The following CTNNA2 variants were observed in gnomAD, a reference collection of about 807,000 sequenced individuals.
CTNNA2 encodes the protein catenin alpha-2.
CTNNA2 carries 42 observed loss-of-function variants against 101.0 expected under a neutral mutation model. That is an observed-to-expected ratio of 0.42 (90% CI 0.32 to 0.54). CTNNA2 has a LOEUF of 0.54. CTNNA2 is among the 20% of genes least tolerant of loss of function. The probability of loss-of-function intolerance (pLI) is 0.14; values close to 1 mark genes in which losing one functional copy is unlikely to be tolerated. For missense variants in CTNNA2, 871 were observed against 1,223.1 expected, an observed-to-expected ratio of 0.71 and a Z score of 4.29; for synonymous variants, 450 against 456.4, an observed-to-expected ratio of 0.99 and a Z score of 0.18.
intron 7 of CTNNA2, among the ~76,000 whole-genome samples, chr2:80,131,236 T>TCG (rs2148894696): frequency 6.6e-6 from 1 of 152,226 alleles, no homozygotes; most frequent in South Asian, 2.1e-4. Flanking sequence ...TTTTTGTATA[T>TCG]TTAGTAGACA....
intron 1 of CTNNA2, among the ~76,000 whole-genome samples, chr2:79,537,296 C>G (rs1673133333): frequency 6.6e-6 from 1 of 152,124 alleles, no homozygotes; most frequent in South Asian, 2.1e-4. Context: ...AAATGTTTCC[C>G]CCTAGATTTC....
rs72918621 is a variant in CTNNA2 at position 79,873,914 on chromosome 2, A to G, written c.586-162A>G. On this transcript the variant is annotated intron_variant, in intron 5 of 18. Transcript: ENST00000402739. The stretch of plus-strand genomic sequence containing the variant: ...AGACCTAGCTGTCTCTATAAAACAG[A>G]CAAACAAACAAAAGAGTATATGCAA... Among the ~76,000 whole-genome samples, 9,360 of 152,170 alleles carry G rather than the reference A, an allele frequency of 0.062. 666 individuals carry two copies. The highest frequency in any genetic ancestry group is 0.27 in the East Asian group (1,382 of 5,156).
chr2:79,595,718 C>A (rs1452653001), intron 1 of CTNNA2, among the ~76,000 whole-genome samples: 3 of 152,022 alleles, frequency 2.0e-5, no homozygotes, highest in Non-Finnish European at 4.4e-5. Flanking sequence ...TTTATATGAG[C>A]TATTACAAGA....
intron 9 of CTNNA2, among the ~76,000 whole-genome samples, chr2:80,425,291 T>C (rs1464520514): frequency 6.6e-6 from 1 of 152,192 alleles, no homozygotes; most frequent in Non-Finnish European, 1.5e-5. Context: ...CTGAGAGGGC[T>C]CATTTAGATA....
At chr2:80,602,083 A>G (rs1291479407) in intron 15 of CTNNA2, 2 of 152,018 alleles carry the variant, frequency 1.3e-5, no homozygotes, top group East Asian at 3.9e-4. Flanking sequence ...AAAATATTTG[A>G]TCTCAGAACT....
intron 1 of CTNNA2, among the ~76,000 whole-genome samples, chr2:79,574,584 C>A (rs988179238): frequency 6.6e-6 from 1 of 152,080 alleles, no homozygotes; most frequent in Non-Finnish European, 1.5e-5. Context: ...TTACGTGGTA[C>A]GTATGTACCA....
intron 1 of CTNNA2, among the ~76,000 whole-genome samples, chr2:79,533,250 A>G (rs1672852045): frequency 6.6e-6 from 1 of 151,990 alleles, no homozygotes; most frequent in Non-Finnish European, 1.5e-5. Context: ...CCGCTACATA[A>G]CCTGTACTCT....
At chr2:80,558,409 C>T (rs1366547859) in intron 12 of CTNNA2, among the ~76,000 whole-genome samples, 6 of 151,650 alleles carry the variant, frequency 4.0e-5, no homozygotes, top group African/African-American at 7.3e-5. Context: ...ACCACAGGAT[C>T]AGTTCTGTAA....
intron 7 of CTNNA2, among the ~76,000 whole-genome samples, chr2:80,099,942 G>T (rs529752036): frequency 1.5e-4 from 23 of 151,740 alleles, no homozygotes; most frequent in African/African-American, 5.6e-4. Context: ...TTTTTTTGTT[G>T]TTGTTGAGAT....
chr2:80,349,556 CT>C lies in CTNNA2; in HGVS notation c.1057-43646del, dbSNP rs534326726. On this transcript the variant is annotated intron_variant, in intron 7 of 18. Coordinates refer to ENST00000402739, the MANE Select transcript of CTNNA2 (RefSeq NM_001282597.3). ...CAGAAGCAGAGATCTTCCCACCTTC[CT>C]TTTTTTTTCCTGTTTTCCAGGTCTC... Among the ~76,000 whole-genome samples, 47 of 151,480 alleles carry C rather than the reference CT, an allele frequency of 3.1e-4. No individual in the cohort carries two copies. The South Asian group carries it at 3.6e-3, about 11-fold the overall frequency.
intron 11 of CTNNA2, among the ~76,000 whole-genome samples, chr2:80,547,690 CTT>C (rs61186189): frequency 4.0e-5 from 5 of 124,268 alleles, no homozygotes; most frequent in Non-Finnish European, 4.8e-5. Flanking sequence ...GTCACTTCTG[CTT>C]TTTTTTTTTT....
chr2:80,581,454 A>G (rs1695535666), intron 13 of CTNNA2, among the ~76,000 whole-genome samples: 1 of 152,204 alleles, frequency 6.6e-6, no homozygotes, highest in Admixed American at 6.5e-5. Context: ...AAATTAGCAT[A>G]TCACTGCAAG....
At chr2:79,288,981 A>G (rs116772009) in intron 2 of CTNNA2, among the ~76,000 whole-genome samples, 3,008 of 152,332 alleles carry the variant, frequency 0.02, 39 homozygotes, top group Non-Finnish European at 0.03. Flanking sequence ...TTTTTCTACT[A>G]TAGGCATTAT....
intron 9 of CTNNA2, among the ~76,000 whole-genome samples, chr2:80,431,379 C>G (rs1649820154): frequency 6.6e-6 from 1 of 152,120 alleles, no homozygotes; most frequent in Non-Finnish European, 1.5e-5. Context: ...GTGGACAGAT[C>G]ACTTTAATCC....
intron 3 of CTNNA2, among the ~76,000 whole-genome samples, chr2:79,748,173 AT>A (rs1671767941): frequency 6.6e-6 from 1 of 151,930 alleles, no homozygotes; most frequent in Non-Finnish European, 1.5e-5. Flanking sequence ...GCTTTAGCTG[AT>A]TTTCCTGTTT....
chr2:79,226,734 G>T (rs1348511255), intron 2 of CTNNA2, among the ~76,000 whole-genome samples: 1 of 152,146 alleles, frequency 6.6e-6, no homozygotes, highest in Non-Finnish European at 1.5e-5. Context: ...GCTGAAATAT[G>T]TTTAAAATCC....
chr2:80,073,292 CAG>C (rs1178878789), intron 7 of CTNNA2, among the ~76,000 whole-genome samples: 8 of 152,090 alleles, frequency 5.3e-5, no homozygotes, highest in African/African-American at 1.7e-4. Flanking sequence ...GGTTTGCAGG[CAG>C]AGAGGTTCCT....
intron 7 of CTNNA2, among the ~76,000 whole-genome samples, chr2:80,160,646 G>A (rs1191144509): frequency 6.6e-6 from 1 of 152,098 alleles, no homozygotes; most frequent in African/African-American, 2.4e-5. Context: ...TTGCAACCTT[G>A]CTGAACTCCC....
At chr2:80,306,806 A>T (rs1395626457) in intron 7 of CTNNA2, among the ~76,000 whole-genome samples, 1 of 151,740 alleles carries the variant, frequency 6.6e-6, no homozygotes, top group Admixed American at 6.6e-5. Context: ...GAAAAAAAAA[A>T]ATCCTCCTAA....
Sources: gnomAD v4.1 joint callset for allele counts (sites outside exome capture counted in the v4.1 genomes callset) on GRCh38, gnomAD v4.1.1 for gene constraint, MANE v1.5 for transcripts, NCBI Gene and HGNC (gene_info 2026-07-23, HGNC 2026-07-21) for gene names.